The following ARHGAP26 variants were observed in gnomAD, a reference collection of about 807,000 sequenced individuals.
ARHGAP26 encodes the protein rho GTPase-activating protein 26.
ARHGAP26 carries 38 observed loss-of-function variants against 104.8 expected under a neutral mutation model. The observed-to-expected ratio is 0.36, with a 90% confidence interval of 0.28 to 0.48. The LOEUF (loss-of-function observed/expected upper bound fraction) is 0.48. Among genes scored for constraint, ARHGAP26 ranks in the 20% least tolerant of loss-of-function variants. ARHGAP26 has a pLI of 0.99. For missense variants in ARHGAP26, 704 were observed against 947.9 expected (o/e 0.74, Z 3.38); for synonymous variants, 341 against 340.0 (o/e 1.00, Z -0.03).
At chr5:142,892,989 C>CTT (rs56211069) in intron 5 of ARHGAP26, among the ~76,000 whole-genome samples, 1,918 of 108,054 alleles carry the variant, frequency 0.018, 34 homozygotes, top group Middle Eastern at 0.032. Flanking sequence ...CACCCCCCCG[C>CTT]TTTTTTTTTT....
At chr5:143,219,535 C>G (rs769466635) in intron 22 of ARHGAP26, among the ~76,000 whole-genome samples, 5 of 152,164 alleles carry the variant, frequency 3.3e-5, no homozygotes, top group Non-Finnish European at 7.3e-5. Context: ...TTTTAGGTGT[C>G]TGGAGGAGGA....
intron 17 of ARHGAP26, among the ~76,000 whole-genome samples, chr5:143,091,058 C>G (rs1598967366): frequency 6.6e-6 from 1 of 152,018 alleles, no homozygotes; most frequent in Non-Finnish European, 1.5e-5. Context: ...AGCAATAGAG[C>G]GAGTAAAGAA....
intron 1 of ARHGAP26, among the ~76,000 whole-genome samples, chr5:142,847,694 A>G (rs1319075864): frequency 6.6e-6 from 1 of 152,212 alleles, no homozygotes; most frequent in East Asian, 1.9e-4. Flanking sequence ...GGTGGCACAA[A>G]TAGAGTGCCA....
Position 142,770,391 on chromosome 5 carries a change from C to T in ARHGAP26, c.-371C>T, listed in dbSNP as rs369073481. The T allele has an allele frequency of 2.6e-5, 5 of 190,016 alleles. No homozygotes were observed. The highest frequency in any genetic ancestry group is 8.1e-5 in the East Asian group (1 of 12,270). 11.8% of individuals were successfully genotyped at this position (190,016 alleles called of 1,614,324 possible). ...TCGAGCGGCCCAGACACCGGCGGGG[C>T]GGCCGAGGCTGCTGTGAGAGGGCGC... On this transcript the variant is annotated 5_prime_UTR_variant, in exon 1 of 23. Transcript: ENST00000645722.
chr5:143,214,851 C>T (rs138520266), intron 22 of ARHGAP26, among the ~76,000 whole-genome samples: 8 of 152,332 alleles, frequency 5.3e-5, no homozygotes, highest in African/African-American at 1.7e-4. Flanking sequence ...TGCATGTGGG[C>T]GTCTGAGTCT....
At chr5:143,061,978 A>AT (rs1240240855) in intron 17 of ARHGAP26, among the ~76,000 whole-genome samples, 1 of 152,180 alleles carries the variant, frequency 6.6e-6, no homozygotes, top group Non-Finnish European at 1.5e-5. Flanking sequence ...CACCATGATT[A>AT]TTTTCCACCC....
intron 1 of ARHGAP26, among the ~76,000 whole-genome samples, chr5:142,807,760 A>C (rs1763260039): frequency 6.6e-6 from 1 of 152,060 alleles, no homozygotes. Context: ...AGCGGGACAG[A>C]GATTTGTGCT....
intron 12 of ARHGAP26, among the ~76,000 whole-genome samples, chr5:143,029,199 G>A (rs1214409981): frequency 1.3e-5 from 2 of 152,054 alleles, no homozygotes; most frequent in Non-Finnish European, 2.9e-5. Flanking sequence ...TTTTCTCAAT[G>A]GCTTTTAAGG....
At chr5:143,033,465 C>T (rs1782175236) in intron 12 of ARHGAP26, among the ~76,000 whole-genome samples, 1 of 152,112 alleles carries the variant, frequency 6.6e-6, no homozygotes, top group South Asian at 2.1e-4. Context: ...GATGCACTTC[C>T]TACAGTGCCA....
Position 143,042,581 on chromosome 5 carries a change from A to G in ARHGAP26, c.1285+691A>G, listed in dbSNP as rs1477715435. On this transcript the variant is annotated intron_variant, in intron 14 of 22. Coordinates refer to ENST00000645722, the MANE Select transcript of ARHGAP26 (RefSeq NM_001135608.3). ...AGTGCAGCCAGCCTCCATGAATCAC[A>G]TGGACCTAAATGGCAAACAGATCAG... Among the ~76,000 whole-genome samples the G allele has an allele frequency of 8.5e-5, 13 of 152,210 alleles. No individual in the cohort carries two copies. In the East Asian group the frequency reaches 2.3e-3, roughly 27 times the overall value.
chr5:143,014,363 C>T (rs1779305047), intron 12 of ARHGAP26: 4 of 570,556 alleles, frequency 7.0e-6, no homozygotes, highest in Non-Finnish European at 1.3e-5. Context: ...TCACACTTTA[C>T]AAAGCATTCT....
At chr5:142,784,938 T>TG (rs1241006168) in intron 1 of ARHGAP26, among the ~76,000 whole-genome samples, 23 of 149,222 alleles carry the variant, frequency 1.5e-4, no homozygotes, top group African/African-American at 5.0e-4. Flanking sequence ...TTTTTTTTTT[T>TG]TTTTTTGAGA....
At position 143,224,106 on chromosome 5, in the gene ARHGAP26, A is replaced by C. The variant is rs1449588099; in HGVS notation, c.*1660A>C. On this transcript the variant is annotated 3_prime_UTR_variant, in exon 23 of 23. Transcript: ENST00000645722. ...ATTGTGTTGAATTACTGTATCTTTTACTTTTTTTTTTTTGAAAAGATAAAC... is the reference window on the plus strand; with the variant it reads ...ATTGTGTTGAATTACTGTATCTTTTCCTTTTTTTTTTTTGAAAAGATAAAC... 1.1e-5 allele frequency: 2 copies of C among 184,630 alleles called. No individual in the cohort carries two copies. The highest frequency in any genetic ancestry group is 2.0e-5 in the Non-Finnish European group (2 of 98,138). 11.4% of individuals were successfully genotyped at this position (184,630 alleles called of 1,614,324 possible).
intron 1 of ARHGAP26, among the ~76,000 whole-genome samples, chr5:142,865,355 T>C (rs949845227): frequency 2.6e-5 from 4 of 152,198 alleles, no homozygotes; most frequent in African/African-American, 9.7e-5. Context: ...TAACTCTCAA[T>C]GTTCTTATGA....
At chr5:142,843,652 T>A (rs935658809) in intron 1 of ARHGAP26, among the ~76,000 whole-genome samples, 18 of 152,222 alleles carry the variant, frequency 1.2e-4, no homozygotes, top group Admixed American at 5.9e-4. Flanking sequence ...TTTTTGATGA[T>A]TAAAACATTT....
rs535345300 is a variant in ARHGAP26, at chr5:143,190,046, A to C, written c.1989-17152A>C. Among the ~76,000 whole-genome samples the C allele has an allele frequency of 9.9e-5, 15 of 152,178 alleles. No individual in the cohort carries two copies. In the South Asian group the frequency reaches 2.9e-3, roughly 30 times the overall value. The stretch of plus-strand genomic sequence containing the variant: ...AGAAGGAGGGGGGGGAAAAAAAAAA[A>C]AAGACCTGGTTTCTGGGGTTCAGAA... On this transcript the variant is annotated intron_variant, in intron 20 of 22. Transcript: ENST00000645722.
intron 20 of ARHGAP26, among the ~76,000 whole-genome samples, chr5:143,190,027 A>AG (rs10597676): frequency 2.7e-4 from 39 of 145,648 alleles, no homozygotes; most frequent in Admixed American, 6.9e-4. Context: ...GGACAGAAGG[A>AG]GGGGGGGGAA....
chr5:143,032,727 T>G (rs1782058603), intron 12 of ARHGAP26, among the ~76,000 whole-genome samples: 1 of 152,238 alleles, frequency 6.6e-6, no homozygotes, highest in South Asian at 2.1e-4. Context: ...TATCACATTA[T>G]GGTACTTGGT....
At chr5:142,845,231 A>G (rs1158277458) in intron 1 of ARHGAP26, among the ~76,000 whole-genome samples, 2 of 152,036 alleles carry the variant, frequency 1.3e-5, no homozygotes, top group African/African-American at 2.4e-5. Flanking sequence ...GAACCAAGCT[A>G]CTGTGTGTTG....
Sources: gnomAD v4.1 joint callset for allele counts (sites outside exome capture counted in the v4.1 genomes callset) on GRCh38, gnomAD v4.1.1 for gene constraint, MANE v1.5 for transcripts, NCBI Gene and HGNC (gene_info 2026-07-23, HGNC 2026-07-21) for gene names.